CHLSN: variants seen among roughly 807,000 people sequenced by gnomAD.
CHLSN encodes the protein cholesin.
At chr7:1,013,315 G>A in the CHLSN span, among the ~76,000 whole-genome samples, 2 of 152,366 alleles carry the variant, frequency 1.3e-5, no homozygotes, top group South Asian at 2.1e-4. Flanking sequence ...CTATCACATA[G>A]AGCTCCCAAA....
chr7:987,880 CTG>C, the CHLSN span, among the ~76,000 whole-genome samples: 1 of 150,362 alleles, frequency 6.7e-6, no homozygotes, highest in Non-Finnish European at 1.5e-5. Flanking sequence ...TGGGGATCCC[CTG>C]TGTGTCCTGA....
chr7:1,035,695 T>G, the CHLSN span, among the ~76,000 whole-genome samples: 1 of 152,174 alleles, frequency 6.6e-6, no homozygotes, highest in African/African-American at 2.4e-5. Flanking sequence ...GGGAAGTGAC[T>G]GCAAAATGGC....
the CHLSN span, among the ~76,000 whole-genome samples, chr7:1,083,274 C>T: frequency 3.9e-5 from 6 of 152,212 alleles, no homozygotes; most frequent in African/African-American, 9.6e-5. Context: ...CAGGGGCTGA[C>T]GGGCCAGATG....
chr7:1,106,782 A>G, the CHLSN span, among the ~76,000 whole-genome samples: 1 of 152,144 alleles, frequency 6.6e-6, no homozygotes, highest in South Asian at 2.1e-4. Context: ...CTCCCAAAAG[A>G]CCAACTGACC....
the CHLSN span, among the ~76,000 whole-genome samples, chr7:1,044,304 C>A: frequency 0.018 from 2,699 of 152,374 alleles, 37 homozygotes; most frequent in Non-Finnish European, 0.029. Context: ...TTCTCAAAAA[C>A]TCCCAGAGCC....
the CHLSN span, among the ~76,000 whole-genome samples, chr7:1,085,515 G>A: frequency 2.6e-5 from 4 of 152,096 alleles, no homozygotes; most frequent in Admixed American, 2.0e-4. Context: ...TCTGAAGGAG[G>A]GTGACCTAAG....
the CHLSN span, among the ~76,000 whole-genome samples, chr7:1,019,020 C>A: frequency 6.6e-6 from 1 of 152,022 alleles, no homozygotes; most frequent in Non-Finnish European, 1.5e-5. Flanking sequence ...CATGGTGAAA[C>A]CCCGTCTCTA....
At chr7:1,065,205 A>C in the CHLSN span, among the ~76,000 whole-genome samples, 1 of 152,098 alleles carries the variant, frequency 6.6e-6, no homozygotes, top group Non-Finnish European at 1.5e-5. Context: ...ACTGGCATAC[A>C]CTAAGTGTGC....
At chr7:986,718 TC>T in the CHLSN span, 2 of 1,611,686 alleles carry the variant, frequency 1.2e-6, no homozygotes, top group Non-Finnish European at 1.7e-6. Flanking sequence ...CTGAGGACCC[TC>T]CTGGAGGCGC....
chr7:1,091,850 C>T, the CHLSN span: 5 of 1,612,532 alleles, frequency 3.1e-6, no homozygotes, highest in East Asian at 8.9e-5. Context: ...CTGGGCACCG[C>T]CCTGGCCAAT....
the CHLSN span, among the ~76,000 whole-genome samples, chr7:1,084,729 G>A: frequency 6.6e-6 from 1 of 152,264 alleles, no homozygotes; most frequent in African/African-American, 2.4e-5. Flanking sequence ...TGGGCACTGA[G>A]GCTCAGGAAG....
At chr7:1,092,474 G>A in the CHLSN span, 3 of 1,607,904 alleles carry the variant, frequency 1.9e-6, no homozygotes, top group Admixed American at 5.0e-5. Flanking sequence ...CGGCACCGTG[G>A]GCTGCGGCCC....
the CHLSN span, among the ~76,000 whole-genome samples, chr7:1,040,161 A>C: frequency 9.2e-6 from 1 of 108,396 alleles, no homozygotes; most frequent in Admixed American, 9.6e-5. Flanking sequence ...ACACCCAAGA[A>C]TTATCAATAA....
chr7:1,105,376 G>C, the CHLSN span, among the ~76,000 whole-genome samples: 1 of 152,234 alleles, frequency 6.6e-6, no homozygotes, highest in South Asian at 2.1e-4. Context: ...GGAGCCCGAG[G>C]GTGACGCCCC....
chr7:1,012,802 C>T, the CHLSN span, among the ~76,000 whole-genome samples: 5 of 152,108 alleles, frequency 3.3e-5, no homozygotes, highest in Non-Finnish European at 4.4e-5. Flanking sequence ...TCTGCGCCAT[C>T]GGCTGCCCCG....
chr7:986,823 G>A, the CHLSN span: 1 of 1,508,168 alleles, frequency 6.6e-7, no homozygotes, highest in Admixed American at 2.1e-5. Flanking sequence ...AGACCTCCTT[G>A]AAGGCCTGTA....
the CHLSN span, among the ~76,000 whole-genome samples, chr7:1,125,735 G>A: frequency 3.3e-5 from 5 of 152,358 alleles, no homozygotes; most frequent in Middle Eastern, 6.8e-3. Context: ...CAATGACAGC[G>A]CGGATCCACA....
the CHLSN span, among the ~76,000 whole-genome samples, chr7:1,120,652 G>A: frequency 2.6e-5 from 4 of 152,302 alleles, no homozygotes; most frequent in South Asian, 8.3e-4. Flanking sequence ...TCCGGTCCTC[G>A]GAACGAAAGC....
At chr7:1,054,815 C>A in the CHLSN span, among the ~76,000 whole-genome samples, 3 of 152,262 alleles carry the variant, frequency 2.0e-5, no homozygotes, top group Admixed American at 6.5e-5. Flanking sequence ...ACACCAGATG[C>A]ACGTGCTCCC....
Sources: allele counts gnomAD v4.1 joint callset (sites outside exome capture counted in the v4.1 genomes callset), GRCh38; gene constraint gnomAD v4.1.1; transcripts MANE v1.5; gene names NCBI Gene and HGNC (gene_info 2026-07-23, HGNC 2026-07-21).